The following TMCC3 variants were observed in gnomAD, a reference collection of about 807,000 sequenced individuals.
The protein encoded by TMCC3 is transmembrane and coiled-coil domain family 3.
In TMCC3, 28 loss-of-function variants were observed where a neutral mutation model predicts 40.2. The ratio of observed to expected loss-of-function variants is 0.70; its 90% confidence interval spans 0.52 to 0.95. TMCC3 has a LOEUF of 0.95. Among genes scored for constraint, TMCC3 ranks in the 40% least tolerant of loss-of-function variants. TMCC3 has a pLI of 0.00. For missense variants in TMCC3, 554 were observed against 615.2 expected (o/e 0.90, Z 1.05); for synonymous variants, 255 against 248.5 (o/e 1.03, Z -0.25).
At chr12:94,607,406 C>T (rs927031902) in intron 1 of TMCC3, among the ~76,000 whole-genome samples, 1 of 152,142 alleles carries the variant, frequency 6.6e-6, no homozygotes, top group African/African-American at 2.4e-5. Flanking sequence ...AGTATTATTA[C>T]AGAAGTGATA....
At chr12:94,616,214 CCA>C (rs1345064836) in intron 1 of TMCC3, 1 of 496,586 alleles carries the variant, frequency 2.0e-6, no homozygotes, top group African/African-American at 2.1e-5. Flanking sequence ...CAGAAGAGAT[CCA>C]CATTCTATAT....
chr12:94,615,499 C>T (rs886336786), intron 1 of TMCC3, among the ~76,000 whole-genome samples: 1 of 152,162 alleles, frequency 6.6e-6, no homozygotes, highest in Non-Finnish European at 1.5e-5. Context: ...CAAAGATGCC[C>T]ACTTGTCGAA....
chr12:94,598,215 A>G (rs934309429), intron 1 of TMCC3, among the ~76,000 whole-genome samples: 1 of 152,252 alleles, frequency 6.6e-6, no homozygotes, highest in Admixed American at 6.5e-5. Flanking sequence ...TAAGTGGCAG[A>G]GCCATGTGAT....
chr12:94,620,740 A>G (rs950439413), intron 1 of TMCC3, among the ~76,000 whole-genome samples: 2 of 152,220 alleles, frequency 1.3e-5, no homozygotes, highest in African/African-American at 4.8e-5. Flanking sequence ...GCACAAATAG[A>G]AACTGTATAG....
At chr12:94,609,781 T>C (rs2138858148) in intron 1 of TMCC3, 1 of 152,362 alleles carries the variant, frequency 6.6e-6, no homozygotes, top group East Asian at 1.9e-4. Context: ...TTCACTACAC[T>C]ATCCTCGGGC....
intron 1 of TMCC3, among the ~76,000 whole-genome samples, chr12:94,640,000 G>C (rs1389278237): frequency 6.6e-6 from 1 of 152,154 alleles, no homozygotes. Context: ...ATTAAGACCA[G>C]GGTTTTCCTA....
At chr12:94,573,802 G>C (rs2068547151) in intron 3 of TMCC3, among the ~76,000 whole-genome samples, 1 of 147,190 alleles carries the variant, frequency 6.8e-6, no homozygotes, top group Non-Finnish European at 1.5e-5. Flanking sequence ...CACTCTGCCT[G>C]AGACATGTGC....
intron 1 of TMCC3, among the ~76,000 whole-genome samples, chr12:94,603,856 G>A (rs1399773054): frequency 6.6e-6 from 1 of 152,052 alleles, no homozygotes; most frequent in Non-Finnish European, 1.5e-5. Flanking sequence ...TATAGTACCT[G>A]TAACATTACA....
At chr12:94,572,306 C>CTTTTT (rs527894810) in intron 3 of TMCC3, among the ~76,000 whole-genome samples, 8 of 50,656 alleles carry the variant, frequency 1.6e-4, no homozygotes, top group South Asian at 7.5e-4. Flanking sequence ...CCGACTTCAT[C>CTTTTT]TTTTTTTTTT....
chr12:94,586,277 G>A (rs985118431), intron 1 of TMCC3, among the ~76,000 whole-genome samples: 1 of 152,186 alleles, frequency 6.6e-6, no homozygotes, highest in Non-Finnish European at 1.5e-5. Flanking sequence ...ATAAGTACTC[G>A]ATGAATTTTT....
intron 1 of TMCC3, among the ~76,000 whole-genome samples, chr12:94,645,827 CGTCATGTTGACGCTCAAAAAG>C: frequency 6.6e-6 from 1 of 152,038 alleles, no homozygotes; most frequent in Admixed American, 6.6e-5. Flanking sequence ...TTCCTTTGAG[CGTCATGTTGACGCTCAAAAAG>C]TTTTGGATTT....
intron 1 of TMCC3, among the ~76,000 whole-genome samples, chr12:94,646,339 C>T (rs1423817687): frequency 6.6e-6 from 1 of 151,694 alleles, no homozygotes; most frequent in Non-Finnish European, 1.5e-5. Context: ...AATTATTAAC[C>T]TGACATATAG....
intron 1 of TMCC3, among the ~76,000 whole-genome samples, chr12:94,594,105 G>A (rs1301810915): frequency 2.6e-5 from 4 of 152,008 alleles, no homozygotes; most frequent in Non-Finnish European, 1.5e-5. Context: ...CCTTGAAAAC[G>A]AGCAAGTTTG....
intron 3 of TMCC3, among the ~76,000 whole-genome samples, chr12:94,576,170 C>T (rs1382424892): frequency 6.6e-6 from 1 of 152,130 alleles, no homozygotes; most frequent in East Asian, 1.9e-4. Context: ...GGGCCAGAAA[C>T]CTCCCAAGTG....
intron 1 of TMCC3, among the ~76,000 whole-genome samples, chr12:94,603,668 T>A (rs1236383232): frequency 6.6e-6 from 1 of 152,152 alleles, no homozygotes; most frequent in Non-Finnish European, 1.5e-5. Context: ...CAGGGAGCAC[T>A]GGGGTGCTAA....
At chr12:94,624,435 AGGCATGGT>A (rs2068891851) in intron 1 of TMCC3, among the ~76,000 whole-genome samples, 1 of 152,232 alleles carries the variant, frequency 6.6e-6, no homozygotes, top group Admixed American at 6.5e-5. Flanking sequence ...AGCCATGGCC[AGGCATGGT>A]GGCTCATGCC....
chr12:94,628,913 A>G (rs2068917641), intron 1 of TMCC3, among the ~76,000 whole-genome samples: 1 of 152,224 alleles, frequency 6.6e-6, no homozygotes, highest in South Asian at 2.1e-4. Context: ...AGATGGCACT[A>G]TAATTTCTTG....
intron 1 of TMCC3, chr12:94,616,204 C>T: frequency 1.8e-6 from 1 of 559,352 alleles, no homozygotes; most frequent in Non-Finnish European, 2.3e-6. Flanking sequence ...GTGCAGTCAG[C>T]AGAAGAGATC....
intron 2 of TMCC3, among the ~76,000 whole-genome samples, chr12:94,579,411 A>T (rs2138822581): frequency 6.6e-6 from 1 of 152,276 alleles, no homozygotes; most frequent in African/African-American, 2.4e-5. Context: ...GGAGGCTGAG[A>T]TGGGAGAATT....
Sources: gnomAD v4.1 joint callset for allele counts (sites outside exome capture counted in the v4.1 genomes callset) on GRCh38, gnomAD v4.1.1 for gene constraint, MANE v1.5 for transcripts, NCBI Gene and HGNC (gene_info 2026-07-23, HGNC 2026-07-21) for gene names.